The following PTCD3 variants were observed in gnomAD, a reference collection of about 807,000 sequenced individuals.
The protein encoded by PTCD3 is small ribosomal subunit protein mS39.
A neutral mutation model predicts 101.9 loss-of-function variants in PTCD3; 89 were observed. The observed-to-expected ratio is 0.87, with a 90% confidence interval of 0.74 to 1.04. PTCD3 has a LOEUF of 1.04. Among genes scored for constraint, PTCD3 ranks in the 50% least tolerant of loss-of-function variants. PTCD3 has a pLI of 0.00. For synonymous variants in PTCD3, 296 were observed against 278.5 expected, an observed-to-expected ratio of 1.06 and a Z score of -0.63; for missense variants, 870 against 828.2, an observed-to-expected ratio of 1.05 and a Z score of -0.62.
At chr2:86,113,470 C>T (rs1263685515) in intron 4 of PTCD3, among the ~76,000 whole-genome samples, 4 of 152,162 alleles carry the variant, frequency 2.6e-5, no homozygotes, top group Non-Finnish European at 2.9e-5. Flanking sequence ...TACAAGTACG[C>T]AGAATTGTTC....
At chr2:86,111,612 A>G (rs983147637) in intron 4 of PTCD3, among the ~76,000 whole-genome samples, 6 of 152,074 alleles carry the variant, frequency 3.9e-5, no homozygotes, top group Admixed American at 3.3e-4. Context: ...TGTCTAATCC[A>G]GCTGAGCCAG....
Position 86,131,091 on chromosome 2 carries a change from G to A in PTCD3, c.1251G>A (p.Gln417=), listed in dbSNP as rs146203968. 52 of 1,602,958 alleles carry A rather than the reference G, an allele frequency of 3.2e-5. 3 individuals carry two copies. The South Asian group carries it at 5.5e-4, about 17-fold the overall frequency. The change falls in exon 16 of 24, where the codon CAG becomes CAA. Residue 417 remains glutamine, a synonymous_variant. Coordinates refer to ENST00000254630, the MANE Select transcript of PTCD3 (RefSeq NM_017952.6). The stretch of plus-strand genomic sequence containing the variant: ...TTTGATTTTCAGATAAGTTTTTTCA[G>A]TCAGCCATGAGCATAGTAAGTATCA... The part of the protein sequence containing the change: ...PKDPDDDKFF[Q]SAMSICSSLR...
chr2:86,133,579 C>A, intron 19 of PTCD3, 143 bp downstream of exon 19: 1 of 840,672 alleles, frequency 1.2e-6, no homozygotes, highest in Non-Finnish European at 1.8e-6. Context: ...ACTTCAAGGT[C>A]ATGTGCTCAT....
chr2:86,124,982 CTCT>C lies in PTCD3; in HGVS notation c.717-11_717-9del. 6 of 1,612,886 alleles carry C rather than the reference CTCT, an allele frequency of 3.7e-6. No individual in the cohort carries two copies. In the South Asian group the frequency reaches 6.6e-5, roughly 18 times the overall value. ...CTTATTGCCTGGGTTCACATTTACT[CTCT>C]TGTGTCTAGAGCAAAAAACAACGCT... On this transcript the variant is annotated splice_polypyrimidine_tract_variant and intron_variant, in intron 9 of 23. Coordinates refer to ENST00000254630, the MANE Select transcript of PTCD3 (RefSeq NM_017952.6).
At chr2:86,117,401 A>G (rs1674194674) in intron 6 of PTCD3, among the ~76,000 whole-genome samples, 1 of 150,210 alleles carries the variant, frequency 6.7e-6, no homozygotes, top group South Asian at 2.1e-4. Flanking sequence ...TAGGTCTTTA[A>G]TTCTATGACT....
chr2:86,119,131 T>TA, intron 7 of PTCD3, 87 bp downstream of exon 7: 2 of 1,503,752 alleles, frequency 1.3e-6, no homozygotes, highest in Non-Finnish European at 9.1e-7. Flanking sequence ...GAGTAAGAGT[T>TA]ACAGGTCCTG....
At chr2:86,135,831 G>T (rs756336004) in intron 21 of PTCD3, 1 of 486,020 alleles carries the variant, frequency 2.1e-6, no homozygotes, top group Non-Finnish European at 4.1e-6. Context: ...TTTGCATTTG[G>T]TTGTTAGCGC....
intron 17 of PTCD3, 160 bp downstream of exon 17, chr2:86,132,584 A>C: frequency 2.0e-6 from 1 of 501,504 alleles, no homozygotes. Context: ...CAGTGGTAAA[A>C]CTGCCAGATT....
chr2:86,130,574 C>A, intron 14 of PTCD3, 74 bp from the exon 15 acceptor site: 2 of 1,534,048 alleles, frequency 1.3e-6, no homozygotes, highest in South Asian at 1.3e-5. Context: ...AAATGTGTCC[C>A]TTTGTATTAG....
intron 20 of PTCD3, 129 bp downstream of exon 20, chr2:86,134,506 TAAAC>T: frequency 1.4e-6 from 1 of 736,662 alleles, no homozygotes; most frequent in Non-Finnish European, 2.3e-6. Flanking sequence ...ATGATACATC[TAAAC>T]ATATCTTGCC....
chr2:86,109,451 G>A (rs2104446376), intron 3 of PTCD3, among the ~76,000 whole-genome samples: 1 of 151,566 alleles, frequency 6.6e-6, no homozygotes, highest in Admixed American at 6.6e-5. Context: ...ACTTTTTTAA[G>A]AACTTTATTA....
At chr2:86,136,736 GATC>G in intron 22 of PTCD3, 174 bp downstream of exon 22, 1 of 807,594 alleles carries the variant, frequency 1.2e-6, no homozygotes, top group Non-Finnish European at 2.0e-6. Flanking sequence ...TGTGTTGACG[GATC>G]ATCATACATT....
At chr2:86,118,121 C>A (rs770210919) in intron 6 of PTCD3, among the ~76,000 whole-genome samples, 2 of 152,150 alleles carry the variant, frequency 1.3e-5, no homozygotes, top group Non-Finnish European at 2.9e-5. Flanking sequence ...TTTTTATGCT[C>A]ATTTTCTCTT....
At chr2:86,125,148 A>G in intron 10 of PTCD3, 66 bp downstream of exon 10, 2 of 1,583,938 alleles carry the variant, frequency 1.3e-6, no homozygotes, top group East Asian at 2.3e-5. Context: ...CCTCAGAACT[A>G]CTAACATTTT....
chr2:86,136,581 G>A lies in PTCD3; in HGVS notation c.1820+19G>A. On this transcript the variant is annotated intron_variant, in intron 22 of 23. Coordinates refer to ENST00000254630, the MANE Select transcript of PTCD3 (RefSeq NM_017952.6). ...TTCCTAGGTAAGTTGAAATCAGCCAGCTCTCTTTGGGTACAGCCTGGAAGT... is the reference window on the plus strand; with the variant it reads ...TTCCTAGGTAAGTTGAAATCAGCCAACTCTCTTTGGGTACAGCCTGGAAGT... 1 of 1,607,722 alleles carries A rather than the reference G, an allele frequency of 6.2e-7. No homozygotes were observed. The highest frequency in any genetic ancestry group is 8.5e-7 in the Non-Finnish European group (1 of 1,174,200).
chr2:86,123,815 A>G lies in PTCD3; in HGVS notation c.716+53A>G, dbSNP rs1674336887. On this transcript the variant is annotated intron_variant, in intron 9 of 23. Coordinates refer to ENST00000254630, the MANE Select transcript of PTCD3 (RefSeq NM_017952.6). ...ATTACAGTGTCTTACAGTGCATGGA[A>G]TATGCCCCATCACCCTGTGAAGATG... is the stretch of plus-strand genomic sequence containing the variant. 6.7e-6 allele frequency: 8 copies of G among 1,187,544 alleles called. No homozygotes were observed. In the South Asian group the frequency reaches 1.3e-4, roughly 19 times the overall value. The allele number at this position is 1,187,544 out of a possible 1,614,324, so 73.6% of individuals were successfully genotyped here.
At chr2:86,108,803 C>A in intron 3 of PTCD3, 1 of 353,890 alleles carries the variant, frequency 2.8e-6, no homozygotes. Flanking sequence ...GTTAATAATA[C>A]ATGGTTATAC....
chr2:86,127,840 TAAC>T (rs1674423370), intron 13 of PTCD3, 98 bp from the exon 14 acceptor site: 1 of 966,904 alleles, frequency 1.0e-6, no homozygotes, highest in Admixed American at 1.8e-5. Flanking sequence ...GCTTAAATAT[TAAC>T]AATATGTTTT....
intron 8 of PTCD3, among the ~76,000 whole-genome samples, chr2:86,122,118 G>A (rs1393134644): frequency 1.3e-5 from 2 of 152,152 alleles, no homozygotes; most frequent in South Asian, 2.1e-4. Context: ...TTTTCATGAG[G>A]AGGTATTTAT....
Sources: gnomAD v4.1 joint callset for allele counts (sites outside exome capture counted in the v4.1 genomes callset) on GRCh38, gnomAD v4.1.1 for gene constraint, MANE v1.5 for transcripts, NCBI Gene and HGNC (gene_info 2026-07-23, HGNC 2026-07-21) for gene names.